The following AOC2 variants were observed in gnomAD, a reference collection of about 807,000 sequenced individuals.
The protein encoded by AOC2 is amine oxidase copper containing 2, also known as amine oxidase [copper-containing] 2.
Under a neutral mutation model 53.8 loss-of-function variants are expected in AOC2, and 57 were observed. The observed-to-expected ratio is 1.06, with a 90% confidence interval of 0.86 to 1.32. The LOEUF is 1.32. Among genes scored for constraint, AOC2 ranks in the 40% most tolerant of loss-of-function variants. The pLI, the probability that AOC2 is intolerant of heterozygous loss-of-function variation, is 0.00. For missense variants in AOC2, 1,008 were observed against 957.2 expected (o/e 1.05, Z -0.70); for synonymous variants, 404 against 399.0 (o/e 1.01, Z -0.15).
At chr17:42,849,768 G>A in intron 3 of AOC2, 38 bp downstream of exon 3, 1 of 1,613,116 alleles carries the variant, frequency 6.2e-7, no homozygotes, top group Non-Finnish European at 8.5e-7. Context: ...GGACACCTGT[G>A]GGCATGGCAT....
chr17:42,848,875 G>A (rs1208581959), intron 1 of AOC2, among the ~76,000 whole-genome samples: 5 of 152,096 alleles, frequency 3.3e-5, no homozygotes, highest in Admixed American at 6.5e-5. Flanking sequence ...TCATAGCCAC[G>A]TGTGGCTAGT....
chr17:42,847,071 G>A (rs535781050), intron 1 of AOC2, among the ~76,000 whole-genome samples: 2 of 152,356 alleles, frequency 1.3e-5, no homozygotes, highest in South Asian at 2.1e-4. Context: ...TGGCACGTGC[G>A]TGCCTGCGTG....
At chr17:42,846,848 G>C (rs1343043088) in intron 1 of AOC2, among the ~76,000 whole-genome samples, 1 of 152,220 alleles carries the variant, frequency 6.6e-6, no homozygotes, top group Non-Finnish European at 1.5e-5. Context: ...CAGAGGACTT[G>C]CTGTTCCTGA....
chr17:42,849,146 A>G lies in AOC2; in HGVS notation c.1649A>G (p.Asn550Ser), dbSNP rs769526425. The G allele has an allele frequency of 6.2e-7, 1 of 1,614,118 alleles. No homozygotes were observed. The highest frequency in any genetic ancestry group is 1.1e-5 in the South Asian group (1 of 91,080). The change falls in exon 2 of 4, where the codon AAC becomes AGC. Residue 550 changes from asparagine (N) to serine (S), a missense_variant. Transcript: ENST00000253799. ...VVFKPVAAPWNPEHWLQRPQL... is the reference protein window; with the variant it reads ...VVFKPVAAPWSPEHWLQRPQL... ...TTTAAACCTGTGGCTGCCCCCTGGA[A>G]CCCGGAGCACTGGCTACAGCGCCCA...
Position 42,850,271 on chromosome 17 carries a change from A to G in AOC2, c.2194A>G (p.Ile732Val). Reference protein sequence around the residue: ...EKGQDAGLCSINPVACLPDLA... With the variant: ...EKGQDAGLCSVNPVACLPDLA... ...GGGCCAGGATGCTGGGCTCTGCAGC[A>G]TCAATCCTGTGGCCTGCCTCCCCGA... The change falls in exon 4 of 4, where the codon ATC (isoleucine) becomes GTC (valine). Residue 732 changes from isoleucine to valine, a missense_variant. Transcript: ENST00000253799. The G allele has an allele frequency of 1.2e-6, 2 of 1,614,154 alleles. No homozygotes were observed. Among genetic ancestry groups the G allele is most frequent in the Admixed American group, 1.7e-5 (1 of 60,016 alleles).
rs769817783 is a variant in AOC2 at position 42,849,309 on chromosome 17, C to G, written c.1812C>G (p.His604Gln). 2 of 1,614,230 alleles carry G rather than the reference C, an allele frequency of 1.2e-6. No homozygotes were observed. The highest frequency in any genetic ancestry group is 2.2e-5 in the East Asian group (1 of 44,882). The change falls in exon 2 of 4, where the codon CAC (histidine) becomes CAG (glutamine). Residue 604 changes from histidine to glutamine, a missense_variant. Physicochemically the swap from His to Gln is conservative, Grantham distance 24 (BLOSUM62 0). Transcript: ENST00000253799. ...GHQRGYRIQI[H>Q]SPLGIHIPLE... ...AGCGCGGGTACCGAATCCAGATCCA[C>G]AGCCCCCTTGGCATACACATACCCC...
At chr17:42,847,008 A>G (rs1230606032) in intron 1 of AOC2, among the ~76,000 whole-genome samples, 1 of 152,262 alleles carries the variant, frequency 6.6e-6, no homozygotes, top group Admixed American at 6.5e-5. Flanking sequence ...GTATAATGCA[A>G]CATAAACTAG....
chr17:42,847,835 C>T (rs1048012525), intron 1 of AOC2, among the ~76,000 whole-genome samples: 4 of 151,286 alleles, frequency 2.6e-5, no homozygotes, highest in South Asian at 2.1e-4. Flanking sequence ...GGCTGGAGCA[C>T]GGTGGTGCAA....
In AOC2 at chr17:42,849,085, G is replaced by GGGCTGAAAAACTGGGTGGT. The variant is rs779774526; in HGVS notation, c.1589_1607dup (p.Asp539LysfsTer6). Reference sequence around the variant, plus strand: ...TCATCTCCTTTCCCTCCCCCTGGCAGGGCTGAAAAACTGGGTGGTAGCTGA... The same window carrying GGGCTGAAAAACTGGGTGGT: ...TCATCTCCTTTCCCTCCCCCTGGCAGGGCTGAAAAACTGGGTGGTGGCTGAAAAACTGGGTGGTAGCTGA... On this transcript the variant is annotated frameshift_variant and splice_region_variant. Transcript: ENST00000253799. LOFTEE classifies it high-confidence loss of function. 6.2e-6 allele frequency: 10 copies of GGGCTGAAAAACTGGGTGGT among 1,606,636 alleles called. No individual in the cohort carries two copies. The African/African-American group carries it at 6.7e-5, about 11-fold the overall frequency.
At chr17:42,848,945 TCCTGGCTC>T (rs1219761006) in intron 1 of AOC2, 133 bp from the exon 2 acceptor site, 1 of 941,494 alleles carries the variant, frequency 1.1e-6, no homozygotes, top group Non-Finnish European at 1.6e-6. Flanking sequence ...TGCCCAGACC[TCCTGGCTC>T]CCAGCACAGT....
chr17:42,848,606 A>C (rs902504545), intron 1 of AOC2, among the ~76,000 whole-genome samples: 4 of 148,618 alleles, frequency 2.7e-5, no homozygotes, highest in Non-Finnish European at 5.9e-5. Context: ...GCTAGAGTGC[A>C]GTGGTGTGAC....
chr17:42,848,561 A>G (rs1431592342), intron 1 of AOC2, among the ~76,000 whole-genome samples: 1 of 145,086 alleles, frequency 6.9e-6, no homozygotes, highest in Non-Finnish European at 1.5e-5. Context: ...ATATATATAT[A>G]TATATTTTAG....
At position 42,845,099 on chromosome 17, in the gene AOC2, G is replaced by A. The variant is rs752329400; in HGVS notation, c.473G>A (p.Gly158Glu). ...MRDVTVERHG[G>E]PLPYHRRPVL... ...GATGTGACTGTGGAGCGTCACGGCGGGCCCCTGCCCTATCACCGTCGCCCG... is the reference window on the plus strand; with the variant it reads ...GATGTGACTGTGGAGCGTCACGGCGAGCCCCTGCCCTATCACCGTCGCCCG... The change falls in exon 1 of 4, where the codon GGG becomes GAG. Residue 158 changes from glycine (G) to glutamate (E), a missense_variant. Transcript: ENST00000253799. The A allele has an allele frequency of 3.1e-6, 5 of 1,613,766 alleles. No individual in the cohort carries two copies. Among genetic ancestry groups the A allele is most frequent in the Non-Finnish European group, 4.2e-6 (5 of 1,180,032 alleles).
intron 1 of AOC2, among the ~76,000 whole-genome samples, chr17:42,846,828 T>C (rs2055603357): frequency 6.6e-6 from 1 of 152,136 alleles, no homozygotes; most frequent in Non-Finnish European, 1.5e-5. Flanking sequence ...CACAAAGGGC[T>C]CAAAGCACAC....
At chr17:42,848,512 A>G (rs2144277188) in intron 1 of AOC2, among the ~76,000 whole-genome samples, 1 of 141,718 alleles carries the variant, frequency 7.1e-6, no homozygotes, top group South Asian at 2.1e-4. Flanking sequence ...GGCTAGTGTG[A>G]CAGAGGAACT....
chr17:42,846,040 G>C lies in AOC2; in HGVS notation c.1414G>C (p.Val472Leu), dbSNP rs762484137. The change falls in exon 1 of 4, where the codon GTG becomes CTG. Residue 472 changes from valine to leucine, a missense_variant. Coordinates refer to ENST00000253799, the MANE Select transcript of AOC2 (RefSeq NM_009590.4). Reference sequence around the variant, plus strand: ...CAACTATGACTACATTTGGGACTTTGTGTTGTACCCAAATGGGGCACTTGA... The same window carrying C: ...CAACTATGACTACATTTGGGACTTTCTGTTGTACCCAAATGGGGCACTTGA... The part of the protein sequence containing the change: ...VGNYDYIWDF[V>L]LYPNGALEGR... The C allele has an allele frequency of 6.2e-7, 1 of 1,611,964 alleles. No individual in the cohort carries two copies. Among genetic ancestry groups the C allele is most frequent in the East Asian group, 2.2e-5 (1 of 44,820 alleles).
In AOC2 at chr17:42,845,201, C is replaced by T. The variant is rs779781648; in HGVS notation, c.575C>T (p.Ser192Leu). 9.9e-6 allele frequency: 16 copies of T among 1,613,834 alleles called. No homozygotes were observed. The highest frequency in any genetic ancestry group is 8.0e-5 in the African/African-American group (6 of 74,946). Residue 192 changes from serine (S) to leucine (L), a missense_variant, in exon 1 of 4, where the codon TCG (serine) becomes TTG (leucine). By Grantham distance (145) the Ser-to-Leu change is moderately radical. Transcript: ENST00000253799. ...CTACCCAAGGCACCCATCTTCCTGTCGTCCACCTTCAACTACAATGGCTCT... is the reference window on the plus strand; with the variant it reads ...CTACCCAAGGCACCCATCTTCCTGTTGTCCACCTTCAACTACAATGGCTCT... ...VELPKAPIFL[S>L]STFNYNGSTL...
rs544164473 is a variant in AOC2 at position 42,849,455 on chromosome 17, C to T, written c.1874+84C>T. 3.6e-4 allele frequency: 574 copies of T among 1,574,660 alleles called. 5 individuals are homozygous for T. The South Asian group carries it at 4.6e-3, about 13-fold the overall frequency. On this transcript the variant is annotated intron_variant, in intron 2 of 3. Coordinates refer to ENST00000253799, the MANE Select transcript of AOC2 (RefSeq NM_009590.4). ...TTGGAGACAAACTCCCTTCCCACGG[C>T]TACCATTCATCCCTGTACCTCCCCT...
intron 1 of AOC2, among the ~76,000 whole-genome samples, chr17:42,847,651 C>T (rs1053805994): frequency 6.6e-6 from 1 of 152,160 alleles, no homozygotes; most frequent in Admixed American, 6.5e-5. Context: ...GGCAGTGTCT[C>T]ACTGTCACCC....
Sources: gnomAD v4.1 joint callset for allele counts (sites outside exome capture counted in the v4.1 genomes callset) on GRCh38, gnomAD v4.1.1 for gene constraint, MANE v1.5 for transcripts, NCBI Gene and HGNC (gene_info 2026-07-23, HGNC 2026-07-21) for gene names.